HDAC3: variants seen among roughly 807,000 people sequenced by gnomAD.
HDAC3 encodes the protein histone deacetylase 3.
In HDAC3, 21 loss-of-function variants were observed where a neutral mutation model predicts 62.3. The observed-to-expected ratio is 0.34, with a 90% confidence interval of 0.24 to 0.49. The LOEUF is 0.49. HDAC3 is among the 20% of genes least tolerant of loss of function. HDAC3 has a pLI of 0.99. For synonymous variants in HDAC3, 198 were observed against 206.5 expected (o/e 0.96, Z 0.35); for missense variants, 270 against 556.9 (o/e 0.48, Z 5.19).
chr5:141,626,125 T>C lies in HDAC3; in HGVS notation c.921-54A>G, dbSNP rs1596437478. 1 of 1,604,214 alleles carries C rather than the reference T, an allele frequency of 6.2e-7. No individual in the cohort carries two copies. Among genetic ancestry groups the C allele is most frequent in the Non-Finnish European group, 8.5e-7 (1 of 1,171,002 alleles). Reference sequence around the variant, plus strand: ...CTGACCAAGTGGGCTGAAGGACCCATGTGGCCATATCTGAGGGACACCCTA... The same window carrying C: ...CTGACCAAGTGGGCTGAAGGACCCACGTGGCCATATCTGAGGGACACCCTA... On this transcript the variant is annotated intron_variant, in intron 11 of 14. Coordinates refer to ENST00000305264, the MANE Select transcript of HDAC3 (RefSeq NM_003883.4). The surrounding 1 kb of genome is among the most constrained non-coding windows in gnomAD (Gnocchi z 4.6).
In HDAC3 at chr5:141,628,357, T is replaced by C; in HGVS notation, c.692-170A>G. The C allele has an allele frequency of 2.8e-6, 2 of 720,336 alleles. No individual in the cohort carries two copies. Among genetic ancestry groups the C allele is most frequent in the Admixed American group, 5.2e-5 (2 of 38,796 alleles). 44.6% of individuals were successfully genotyped at this position (720,336 alleles called of 1,614,324 possible). ...GGGATCCCAGACTGCTATGAGTGAC[T>C]GATGAAAGCCAATGACTTTTCCCAG... On this transcript the variant is annotated intron_variant, in intron 8 of 14. Coordinates refer to ENST00000305264, the MANE Select transcript of HDAC3 (RefSeq NM_003883.4). This position sits in a 1 kb window ranked among gnomAD's most constrained non-coding sequence, Gnocchi z 4.7.
chr5:141,625,854 A>G lies in HDAC3; in HGVS notation c.980-90T>C. ...TTTTTCCTTCCCATCCAGAGCACCT[A>G]CATAATAGCTGCCCAATCTCTTCCC... On this transcript the variant is annotated intron_variant, in intron 12 of 14. Transcript: ENST00000305264. This position sits in a 1 kb window ranked among gnomAD's most constrained non-coding sequence, Gnocchi z 4.0. 7.4e-7 allele frequency: 1 copy of G among 1,352,084 alleles called. No individual in the cohort carries two copies. The highest frequency in any genetic ancestry group is 1.1e-6 in the Non-Finnish European group (1 of 942,270). The allele number at this position is 1,352,084 out of a possible 1,614,324, so 83.8% of individuals were successfully genotyped here.
At chr5:141,621,875 G>C (rs940595207) in intron 14 of HDAC3, among the ~76,000 whole-genome samples, 6 of 152,158 alleles carry the variant, frequency 3.9e-5, no homozygotes, top group African/African-American at 1.4e-4. Context: ...TGAAGTGATA[G>C]GACTGAAGGT....
rs1237486559 is a variant in HDAC3, at chr5:141,625,679, G to C, written c.1059+6C>G. ...AGTTTGTGCTCAGCTTTTCTGAGCT[G>C]CTGACCTGGCGTGAGTTCTGATTCT... On this transcript the variant is annotated splice_donor_region_variant and intron_variant, in intron 13 of 14. Transcript: ENST00000305264. The surrounding 1 kb of genome is among the most constrained non-coding windows in gnomAD (Gnocchi z 4.0). 2.5e-6 allele frequency: 4 copies of C among 1,613,738 alleles called. No individual in the cohort carries two copies. In the Admixed American group the frequency reaches 6.7e-5, roughly 27 times the overall value.
chr5:141,622,800 G>A (rs1435890714), intron 14 of HDAC3, among the ~76,000 whole-genome samples: 1 of 152,032 alleles, frequency 6.6e-6, no homozygotes, highest in Admixed American at 6.5e-5. Context: ...TCTTTAACTA[G>A]CCATGTGACC....
rs1387525912 is a variant in HDAC3 at position 141,625,105 on chromosome 5, G to A, written c.1217+103C>T. 3 of 1,043,304 alleles carry A rather than the reference G, an allele frequency of 2.9e-6. No individual in the cohort carries two copies. Among genetic ancestry groups the A allele is most frequent in the African/African-American group, 3.2e-5 (2 of 61,822 alleles). The allele number at this position is 1,043,304 out of a possible 1,614,324, so 64.6% of individuals were successfully genotyped here. ...AGGAAATTGTAGCAGACTAAAGGAG[G>A]TAAGCCAGAGGCAATTAAACTAATA... On this transcript the variant is annotated intron_variant, in intron 14 of 14. Transcript: ENST00000305264. The surrounding 1 kb of genome is among the most constrained non-coding windows in gnomAD (Gnocchi z 4.0).
intron 14 of HDAC3, among the ~76,000 whole-genome samples, chr5:141,624,371 C>CCAAA (rs2099904143): frequency 5.0e-5 from 1 of 20,068 alleles, no homozygotes; most frequent in Admixed American, 8.2e-4. Flanking sequence ...TCCGTCTCTA[C>CCAAA]CAAAAAAAAA....
rs559157484 is a variant in HDAC3, at chr5:141,626,602, G to A, written c.831-319C>T. ...TGAAAATATAACTCACGCCCGGCGC[G>A]GTGCTCACGCCTTTGTAGTAGTCCC... On this transcript the variant is annotated intron_variant, in intron 10 of 14. Transcript: ENST00000305264. The surrounding 1 kb of genome is among the most constrained non-coding windows in gnomAD (Gnocchi z 4.6). 44 of 343,224 alleles carry A rather than the reference G, an allele frequency of 1.3e-4. 1 individual carries two copies. Among genetic ancestry groups the A allele is most frequent in the South Asian group, 8.1e-4 (31 of 38,342 alleles). 21.3% of individuals were successfully genotyped at this position (343,224 alleles called of 1,614,324 possible).
chr5:141,625,095 A>G lies in HDAC3; in HGVS notation c.1217+113T>C. ...GAAAAGAGTGAGGAAATTGTAGCAG[A>G]CTAAAGGAGGTAAGCCAGAGGCAAT... On this transcript the variant is annotated intron_variant, in intron 14 of 14. Transcript: ENST00000305264. This position sits in a 1 kb window ranked among gnomAD's most constrained non-coding sequence, Gnocchi z 4.0. 1.1e-6 allele frequency: 1 copy of G among 951,356 alleles called. No individual in the cohort carries two copies. Among genetic ancestry groups the G allele is most frequent in the Admixed American group, 2.7e-5 (1 of 37,614 alleles). The allele number at this position is 951,356 out of a possible 1,614,324, so 58.9% of individuals were successfully genotyped here. A position where few individuals can be genotyped will look rare whatever the true frequency, so the allele number is the denominator to read the frequency against.
chr5:141,630,182 A>C, intron 3 of HDAC3, 57 bp from the exon 4 acceptor site: 2 of 1,481,466 alleles, frequency 1.4e-6, no homozygotes, highest in Non-Finnish European at 9.4e-7. Context: ...CCCTTCCCAT[A>C]TCTCCCTCCC....
At position 141,636,684 on chromosome 5, in the gene HDAC3, C is replaced by T. The variant is rs577962635; in HGVS notation, c.55+52G>A. 19 of 1,613,024 alleles carry T rather than the reference C, an allele frequency of 1.2e-5. 1 individual carries two copies. In the East Asian group the frequency reaches 4.0e-4, roughly 34 times the overall value. On this transcript the variant is annotated intron_variant, in intron 1 of 14. Transcript: ENST00000305264. ...GCTCTCACCCCTGGAGTTGCAACCC[C>T]GCCTCAAAACCTCCGTGTCCCAACC...
In HDAC3 at chr5:141,629,170, T is replaced by C; in HGVS notation, c.610+3A>G. 1.2e-6 allele frequency: 2 copies of C among 1,614,136 alleles called. No individual in the cohort carries two copies. The highest frequency in any genetic ancestry group is 1.7e-6 in the Non-Finnish European group (2 of 1,179,990). On this transcript the variant is annotated splice_donor_region_variant and intron_variant, in intron 7 of 14. Transcript: ENST00000305264. The surrounding 1 kb of genome is among the most constrained non-coding windows in gnomAD (Gnocchi z 5.3). The stretch of plus-strand genomic sequence containing the variant: ...AAGGGGAAAGTAATCCCTATTCCCA[T>C]ACCTGTGCCAGGGAAGAAGTAATTT...
chr5:141,626,100 C>A lies in HDAC3; in HGVS notation c.921-29G>T. ...AAACCAACCAGCAGAGGGGAGCAGGCTGACCAAGTGGGCTGAAGGACCCAT... is the reference window on the plus strand; with the variant it reads ...AAACCAACCAGCAGAGGGGAGCAGGATGACCAAGTGGGCTGAAGGACCCAT... On this transcript the variant is annotated intron_variant, in intron 11 of 14. Coordinates refer to ENST00000305264, the MANE Select transcript of HDAC3 (RefSeq NM_003883.4). The surrounding 1 kb of genome is among the most constrained non-coding windows in gnomAD (Gnocchi z 4.6). 6.2e-7 allele frequency: 1 copy of A among 1,612,592 alleles called. No individual in the cohort carries two copies. Among genetic ancestry groups the A allele is most frequent in the Non-Finnish European group, 8.5e-7 (1 of 1,178,574 alleles).
At chr5:141,621,573 C>G (rs2099903708) in intron 14 of HDAC3, 36 bp from the exon 15 acceptor site, 2 of 1,564,090 alleles carry the variant, frequency 1.3e-6, no homozygotes, top group African/African-American at 1.4e-5. Flanking sequence ...GGATCTCACT[C>G]TAAGTTCTAA....
chr5:141,630,619 G>A (rs2099905063), intron 3 of HDAC3, among the ~76,000 whole-genome samples: 1 of 152,190 alleles, frequency 6.6e-6, no homozygotes, highest in African/African-American at 2.4e-5. Context: ...TTTAATAAAT[G>A]TCAGCTATAA....
chr5:141,635,422 C>G (rs1163485037), intron 2 of HDAC3, among the ~76,000 whole-genome samples: 1 of 152,184 alleles, frequency 6.6e-6, no homozygotes, highest in East Asian at 1.9e-4. Context: ...CAAGAAAGAG[C>G]TTTTCTTCTC....
rs577040391 is a variant in HDAC3 at position 141,626,557 on chromosome 5, A to C, written c.831-274T>G. On this transcript the variant is annotated intron_variant, in intron 10 of 14. Coordinates refer to ENST00000305264, the MANE Select transcript of HDAC3 (RefSeq NM_003883.4). This position sits in a 1 kb window ranked among gnomAD's most constrained non-coding sequence, Gnocchi z 4.6. ...CTAATCAACTATTCTCATCAACCCA[A>C]GTTCTGTCAATTCTAGCCTTGAAAA... 1.7e-5 allele frequency: 7 copies of C among 423,288 alleles called. No individual in the cohort carries two copies. In the East Asian group the frequency reaches 3.5e-4, roughly 21 times the overall value. 26.2% of individuals were successfully genotyped at this position (423,288 alleles called of 1,614,324 possible).
Position 141,629,384 on chromosome 5 carries a change from T to C in HDAC3, c.477-78A>G, listed in dbSNP as rs2099904882. 10 of 1,590,632 alleles carry C rather than the reference T, an allele frequency of 6.3e-6. No individual in the cohort carries two copies. The highest frequency in any genetic ancestry group is 7.7e-6 in the Non-Finnish European group (9 of 1,162,692). On this transcript the variant is annotated intron_variant, in intron 6 of 14. Coordinates refer to ENST00000305264, the MANE Select transcript of HDAC3 (RefSeq NM_003883.4). This position sits in a 1 kb window ranked among gnomAD's most constrained non-coding sequence, Gnocchi z 5.3. ...CTCCTCTCAAACACCGGGTCTCGAA[T>C]TGTGAAGAGTCTGCTTCTGCCCTGG...
chr5:141,628,298 A>G lies in HDAC3; in HGVS notation c.692-111T>C. On this transcript the variant is annotated intron_variant, in intron 8 of 14. Coordinates refer to ENST00000305264, the MANE Select transcript of HDAC3 (RefSeq NM_003883.4). The surrounding 1 kb of genome is among the most constrained non-coding windows in gnomAD (Gnocchi z 4.7). Reference sequence around the variant, plus strand: ...TGTAGCCCAGGAAAGGGGCCACCCAAAAGAATCAAATCACTGGTCTGAAAC... The same window carrying G: ...TGTAGCCCAGGAAAGGGGCCACCCAGAAGAATCAAATCACTGGTCTGAAAC... The G allele has an allele frequency of 2.2e-6, 2 of 901,894 alleles. No homozygotes were observed. Among genetic ancestry groups the G allele is most frequent in the Non-Finnish European group, 3.6e-6 (2 of 560,482 alleles). 55.9% of individuals were successfully genotyped at this position (901,894 alleles called of 1,614,324 possible).
Sources: allele counts gnomAD v4.1 joint callset (sites outside exome capture counted in the v4.1 genomes callset), GRCh38; gene constraint gnomAD v4.1.1; non-coding constraint Gnocchi (gnomAD v3.1); transcripts MANE v1.5; gene names NCBI Gene and HGNC (gene_info 2026-07-23, HGNC 2026-07-21).